The following ASXL2 variants were observed in gnomAD, a reference collection of about 807,000 sequenced individuals.
ASXL2 encodes putative Polycomb group protein ASXL2.
Under a neutral mutation model 122.0 loss-of-function variants are expected in ASXL2, and 23 were observed. The ratio of observed to expected loss-of-function variants is 0.19; its 90% CI spans 0.14 to 0.27. The LOEUF (loss-of-function observed/expected upper bound fraction) is 0.27. ASXL2 is among the 10% of genes least tolerant of loss of function. ASXL2 has a pLI of 1.00. For missense variants in ASXL2, 1,518 were observed against 1,713.8 expected, an observed-to-expected ratio of 0.89 and a Z score of 2.02; for synonymous variants, 650 against 637.0, an observed-to-expected ratio of 1.02 and a Z score of -0.31.
chr2:25,738,986 T>C lies in ASXL2; in HGVS notation c.*3043A>G, dbSNP rs745771410. ...TGGCTTTACTTTCTGTTTAATAGGA[T>C]GGAGAATTCTAATTCTCCAAAATTA... On this transcript the variant is annotated 3_prime_UTR_variant, in exon 13 of 13. Transcript: ENST00000435504. 1.3e-4 allele frequency: 20 copies of C among 152,186 alleles called. No individual in the cohort carries two copies. Among genetic ancestry groups the C allele is most frequent in the Non-Finnish European group, 1.9e-4 (13 of 68,016 alleles). 9.4% of individuals were successfully genotyped at this position (152,186 alleles called of 1,614,324 possible).
intron 2 of ASXL2, among the ~76,000 whole-genome samples, chr2:25,842,287 A>G (rs2089592160): frequency 6.6e-6 from 1 of 152,150 alleles, no homozygotes; most frequent in Non-Finnish European, 1.5e-5. Context: ...ATTCCCTGCT[A>G]AGGGTGGTCA....
intron 9 of ASXL2, among the ~76,000 whole-genome samples, chr2:25,758,032 A>G (rs1021621253): frequency 1.3e-5 from 2 of 152,116 alleles, no homozygotes; most frequent in East Asian, 1.9e-4. Flanking sequence ...CCTCAAAGCT[A>G]TAATTTCTCC....
chr2:25,793,837 C>A (rs984334411), intron 5 of ASXL2, among the ~76,000 whole-genome samples: 4 of 152,162 alleles, frequency 2.6e-5, no homozygotes. Flanking sequence ...GTCCCCTGGC[C>A]TAAATGGGAA....
intron 3 of ASXL2, among the ~76,000 whole-genome samples, chr2:25,823,604 G>A (rs1277500225): frequency 4.6e-5 from 7 of 152,132 alleles, no homozygotes; most frequent in Non-Finnish European, 1.0e-4. Flanking sequence ...CTCTTAGCAC[G>A]GAAGATGAAG....
At chr2:25,836,067 A>G (rs1353356307) in intron 2 of ASXL2, among the ~76,000 whole-genome samples, 1 of 152,118 alleles carries the variant, frequency 6.6e-6, no homozygotes, top group Non-Finnish European at 1.5e-5. Flanking sequence ...TGACATCCCT[A>G]CCAGGTTTGT....
At chr2:25,794,684 G>C (rs975717832) in intron 5 of ASXL2, among the ~76,000 whole-genome samples, 1 of 152,170 alleles carries the variant, frequency 6.6e-6, no homozygotes, top group African/African-American at 2.4e-5. Context: ...TTTTCAACTA[G>C]AAGTATCAGT....
chr2:25,805,725 G>C (rs1043434589), intron 4 of ASXL2, among the ~76,000 whole-genome samples: 2 of 151,916 alleles, frequency 1.3e-5, no homozygotes, highest in African/African-American at 4.8e-5. Context: ...GCCCAGGCTG[G>C]AGTGCGGTGG....
At chr2:25,871,479 T>A (rs2149204211) in intron 1 of ASXL2, among the ~76,000 whole-genome samples, 1 of 145,772 alleles carries the variant, frequency 6.9e-6, no homozygotes, top group South Asian at 2.2e-4. Flanking sequence ...ATTTAAGTGT[T>A]CAAAAAAAAA....
chr2:25,842,376 A>G (rs1018876487), intron 2 of ASXL2, among the ~76,000 whole-genome samples: 1 of 152,220 alleles, frequency 6.6e-6, no homozygotes, highest in African/African-American at 2.4e-5. Context: ...AATTGTCACT[A>G]TGTAAACCAG....
intron 12 of ASXL2, among the ~76,000 whole-genome samples, chr2:25,746,481 T>C (rs2087943551): frequency 7.1e-6 from 1 of 141,496 alleles, no homozygotes; most frequent in Non-Finnish European, 1.5e-5. Context: ...TTATATCATA[T>C]GAAAGAAACT....
rs111271284 is a variant in ASXL2, at chr2:25,740,836, T to C, written c.*1193A>G. 1 of 192,528 alleles carries C rather than the reference T, an allele frequency of 5.2e-6. No homozygotes were observed. The highest frequency in any genetic ancestry group is 1.1e-5 in the Non-Finnish European group (1 of 92,348). 11.9% of individuals were successfully genotyped at this position (192,528 alleles called of 1,614,324 possible). ...CTTGTATTGTGTGTGTGTGTGTACA[T>C]ACACGTATGTGTAAAGTAAGATATA... On this transcript the variant is annotated 3_prime_UTR_variant, in exon 13 of 13. Coordinates refer to ENST00000435504, the MANE Select transcript of ASXL2 (RefSeq NM_018263.6).
At chr2:25,753,878 G>A (rs887443911) in intron 10 of ASXL2, among the ~76,000 whole-genome samples, 1 of 152,096 alleles carries the variant, frequency 6.6e-6, no homozygotes, top group East Asian at 1.9e-4. Flanking sequence ...AAGCCTTTTC[G>A]CTGGGCTTCC....
chr2:25,773,665 C>A (rs1324862604), intron 5 of ASXL2, among the ~76,000 whole-genome samples: 151 of 135,710 alleles, frequency 1.1e-3, no homozygotes, highest in Middle Eastern at 3.8e-3. Context: ...GACTCCATCT[C>A]AAAAAAAAAA....
At chr2:25,863,126 G>A (rs1051842385) in intron 1 of ASXL2, among the ~76,000 whole-genome samples, 4 of 148,786 alleles carry the variant, frequency 2.7e-5, no homozygotes, top group Non-Finnish European at 1.5e-5. Context: ...TCAGGAGATC[G>A]AGACCATCCT....
intron 3 of ASXL2, chr2:25,830,954 CA>C (rs2089443485): frequency 6.6e-6 from 1 of 152,030 alleles, no homozygotes; most frequent in African/African-American, 2.4e-5. Flanking sequence ...TGTGAGATAA[CA>C]ACAGAAGATT....
chr2:25,799,047 G>A (rs2088954186), intron 5 of ASXL2, among the ~76,000 whole-genome samples: 1 of 152,120 alleles, frequency 6.6e-6, no homozygotes, highest in Non-Finnish European at 1.5e-5. Flanking sequence ...CATGTGGCGG[G>A]GGAGGGGTAC....
chr2:25,737,303 C>T lies in ASXL2; in HGVS notation c.*4726G>A, dbSNP rs1275296495. The T allele has an allele frequency of 6.6e-6, 1 of 151,986 alleles. No homozygotes were observed. Among genetic ancestry groups the T allele is most frequent in the Non-Finnish European group, 1.5e-5 (1 of 67,994 alleles). The allele number at this position is 151,986 out of a possible 1,614,324, so 9.4% of individuals were successfully genotyped here. Reference sequence around the variant, plus strand: ...GAAAGTGGTGGCAGTAAATGTCAACCACTGTGGAGAAAGGAAAACCTATTT... The same window carrying T: ...GAAAGTGGTGGCAGTAAATGTCAACTACTGTGGAGAAAGGAAAACCTATTT... On this transcript the variant is annotated 3_prime_UTR_variant, in exon 13 of 13. Coordinates refer to ENST00000435504, the MANE Select transcript of ASXL2 (RefSeq NM_018263.6).
At chr2:25,757,248 A>G (rs1197319886) in intron 9 of ASXL2, among the ~76,000 whole-genome samples, 3 of 152,060 alleles carry the variant, frequency 2.0e-5, no homozygotes, top group Non-Finnish European at 4.4e-5. Flanking sequence ...CTTAATCGAA[A>G]TTCTATATTC....
At chr2:25,770,583 T>C (rs946277945) in intron 6 of ASXL2, among the ~76,000 whole-genome samples, 5 of 152,164 alleles carry the variant, frequency 3.3e-5, no homozygotes, top group Non-Finnish European at 7.3e-5. Flanking sequence ...GGTGAAACCC[T>C]GTCTCTACTA....
Sources: gnomAD v4.1 joint callset for allele counts (sites outside exome capture counted in the v4.1 genomes callset) on GRCh38, gnomAD v4.1.1 for gene constraint, MANE v1.5 for transcripts, NCBI Gene and HGNC (gene_info 2026-07-23, HGNC 2026-07-21) for gene names.